RFX8: variants seen among roughly 807,000 people sequenced by gnomAD.
The protein encoded by RFX8 is regulatory factor X8.
RFX8 carries 46 observed loss-of-function variants against 54.6 expected under a neutral mutation model. That is an observed-to-expected ratio of 0.84 (90% CI 0.67 to 1.08). The LOEUF (loss-of-function observed/expected upper bound fraction) is 1.08. RFX8 is among the 50% of genes least tolerant of loss of function. The pLI, the probability that RFX8 is intolerant of heterozygous loss-of-function variation, is 0.00. For synonymous variants in RFX8, 192 were observed against 209.5 expected (o/e 0.92, Z 0.72); for missense variants, 536 against 562.3 (o/e 0.95, Z 0.47).
At chr2:101,450,820 T>C in intron 2 of RFX8, 1 of 606,948 alleles carries the variant, frequency 1.6e-6, no homozygotes, top group East Asian at 2.8e-5. Context: ...GAAAAGCTAA[T>C]CCTTCAGTCT....
chr2:101,443,683 C>T (rs1390542313), intron 2 of RFX8, among the ~76,000 whole-genome samples: 1 of 152,068 alleles, frequency 6.6e-6, no homozygotes, highest in East Asian at 1.9e-4. Context: ...TTCTTTTTGT[C>T]TTCCACACAC....
chr2:101,440,966 A>ATTTTTTTTTTTTTT (rs70946645), intron 2 of RFX8, among the ~76,000 whole-genome samples: 2 of 113,456 alleles, frequency 1.8e-5, no homozygotes, highest in African/African-American at 3.4e-5. Flanking sequence ...CCATGTTGAA[A>ATTTTTTTTTTTTTT]TTTTTTTTTT....
At chr2:101,435,333 A>T (rs1687719318) in intron 2 of RFX8, among the ~76,000 whole-genome samples, 2 of 152,212 alleles carry the variant, frequency 1.3e-5, no homozygotes, top group Admixed American at 1.3e-4. Flanking sequence ...TTCGGGAGGG[A>T]TGAGGGCGAG....
chr2:101,455,186 A>G (rs889006542), intron 2 of RFX8, among the ~76,000 whole-genome samples: 4 of 151,232 alleles, frequency 2.6e-5, no homozygotes, highest in Middle Eastern at 3.2e-3. Context: ...AATTTTTTGT[A>G]TTTTTTAGTA....
chr2:101,431,598 T>C (rs1179042882), intron 2 of RFX8, among the ~76,000 whole-genome samples: 1 of 152,208 alleles, frequency 6.6e-6, no homozygotes, highest in Non-Finnish European at 1.5e-5. Context: ...AGCTAGAATG[T>C]CTGGTTTCAG....
chr2:101,441,920 G>A (rs1220897070), intron 2 of RFX8, among the ~76,000 whole-genome samples: 6 of 152,148 alleles, frequency 3.9e-5, no homozygotes, highest in Non-Finnish European at 8.8e-5. Context: ...TGGTATGTTA[G>A]CACTTAAGTC....
At chr2:101,405,704 G>C (rs1306345799) in intron 10 of RFX8, among the ~76,000 whole-genome samples, 1 of 152,122 alleles carries the variant, frequency 6.6e-6, no homozygotes, top group Non-Finnish European at 1.5e-5. Flanking sequence ...AGGAGAGTGT[G>C]TCTAACGATG....
rs892499434 is a variant in RFX8, at chr2:101,439,879, C to T, written c.73-17407G>A. On this transcript the variant is annotated intron_variant, in intron 2 of 11. Coordinates refer to ENST00000428343, the MANE Select transcript of RFX8 (RefSeq NM_001145664.2). The stretch of plus-strand genomic sequence containing the variant: ...GTGTGAGCCACCGCGCATAGCCGAG[C>T]GGATCTATTTCTGTATCCTCCACTC... Among the ~76,000 whole-genome samples the T allele has an allele frequency of 3.9e-5, 6 of 152,156 alleles. No individual in the cohort carries two copies. The East Asian group carries it at 7.7e-4, about 20-fold the overall frequency.
intron 1 of RFX8, among the ~76,000 whole-genome samples, chr2:101,472,996 G>T (rs1471357616): frequency 2.6e-5 from 4 of 151,992 alleles, no homozygotes; most frequent in Non-Finnish European, 5.9e-5. Context: ...TCCAGACTGG[G>T]CAACAGAGCA....
At chr2:101,461,126 G>A (rs28437010) in intron 2 of RFX8, among the ~76,000 whole-genome samples, 2,518 of 151,456 alleles carry the variant, frequency 0.017, 82 homozygotes, top group African/African-American at 0.057. Flanking sequence ...AAAAATTGCC[G>A]GGCATGGTAG....
At chr2:101,469,034 A>ATATATATGTATATATATATGTG (rs1689760646) in intron 1 of RFX8, among the ~76,000 whole-genome samples, 1 of 56,378 alleles carries the variant, frequency 1.8e-5, no homozygotes, top group African/African-American at 6.6e-5. Context: ...ATATATACGT[A>ATATATATGTATATATATATGTG]TATATATGTA....
chr2:101,458,721 T>C (rs1327546904), intron 2 of RFX8, among the ~76,000 whole-genome samples: 2 of 152,208 alleles, frequency 1.3e-5, no homozygotes, highest in East Asian at 3.9e-4. Context: ...ATCTTTGTGG[T>C]ATTCTCTGTA....
At chr2:101,470,920 C>T (rs1158266404) in intron 1 of RFX8, among the ~76,000 whole-genome samples, 4 of 150,484 alleles carry the variant, frequency 2.7e-5, no homozygotes, top group South Asian at 2.1e-4. Context: ...GGGGTTTCAC[C>T]GTGTTAGCCA....
At chr2:101,415,940 C>G (rs1015184485) in intron 6 of RFX8, among the ~76,000 whole-genome samples, 1 of 152,190 alleles carries the variant, frequency 6.6e-6, no homozygotes, top group Non-Finnish European at 1.5e-5. Context: ...GGGCAGGAGG[C>G]AGTCCAAGCA....
chr2:101,436,534 C>G (rs1204777735), intron 2 of RFX8, among the ~76,000 whole-genome samples: 1 of 152,124 alleles, frequency 6.6e-6, no homozygotes, highest in Non-Finnish European at 1.5e-5. Context: ...AATTCCAGTT[C>G]CTCCCTTAGG....
rs574301487 is a variant in RFX8, at chr2:101,458,337, AG to A, written c.72+8439del. On this transcript the variant is annotated intron_variant, in intron 2 of 11. Transcript: ENST00000428343. ...TCTTTACAATTTGGCAAGTTTTTGC[AG>A]TGACTGGTATCGGCTGTTTGTTTCC... Among the ~76,000 whole-genome samples the A allele has an allele frequency of 1.7e-4, 26 of 152,328 alleles. No homozygotes were observed. The South Asian group carries it at 2.3e-3, about 13-fold the overall frequency.
intron 2 of RFX8, among the ~76,000 whole-genome samples, chr2:101,431,562 T>C (rs1362801352): frequency 6.6e-6 from 1 of 152,178 alleles, no homozygotes; most frequent in African/African-American, 2.4e-5. Context: ...GGCATTCCTA[T>C]AGGTACTCAG....
intron 2 of RFX8, among the ~76,000 whole-genome samples, chr2:101,441,499 T>A (rs1688098899): frequency 6.6e-6 from 1 of 152,160 alleles, no homozygotes; most frequent in Non-Finnish European, 1.5e-5. Context: ...CTGTAGAGGG[T>A]CCCTGTCAGC....
chr2:101,450,625 A>T, intron 2 of RFX8: 1 of 1,515,366 alleles, frequency 6.6e-7, no homozygotes, highest in Non-Finnish European at 8.9e-7. Context: ...ATCAGGTAGC[A>T]ATACTGGGCA....
Sources: allele counts gnomAD v4.1 joint callset (sites outside exome capture counted in the v4.1 genomes callset), GRCh38; gene constraint gnomAD v4.1.1; transcripts MANE v1.5; gene names NCBI Gene and HGNC (gene_info 2026-07-23, HGNC 2026-07-21).